The following PHACTR2 variants were observed in gnomAD, a reference collection of about 807,000 sequenced individuals.
PHACTR2 encodes phosphatase and actin regulator 2.
PHACTR2 carries 30 observed loss-of-function variants against 76.0 expected under a neutral mutation model. That is an observed-to-expected ratio of 0.39 (90% CI 0.30 to 0.54). PHACTR2 has a LOEUF of 0.54. Ranked by LOEUF, PHACTR2 falls within the 20% of genes least tolerant of loss-of-function variation. The pLI, the probability that PHACTR2 is intolerant of heterozygous loss-of-function variation, is 0.61. For synonymous variants in PHACTR2, 292 were observed against 292.5 expected (o/e 1.00, Z 0.02); for missense variants, 696 against 781.1 (o/e 0.89, Z 1.30).
In PHACTR2 at chr6:143,700,491, G is replaced by A. The variant is rs911884752; in HGVS notation, c.47-11525G>A. Among the ~76,000 whole-genome samples the A allele has an allele frequency of 6.6e-6, 1 of 152,152 alleles. No individual in the cohort carries two copies. Among genetic ancestry groups the A allele is most frequent in the Non-Finnish European group, 1.5e-5 (1 of 68,028 alleles). On this transcript the variant is annotated intron_variant, in intron 1 of 12. Coordinates refer to ENST00000440869, the MANE Select transcript of PHACTR2 (RefSeq NM_001100164.2). This position sits in a 1 kb window ranked among gnomAD's most constrained non-coding sequence, Gnocchi z 4.1. ...AATCACTTGGACCCAGGAGCCGGAG[G>A]TTGCAGTGAGCTGAGATCTCACCAC...
At chr6:143,792,325 A>G (rs73778690) in intron 11 of PHACTR2, among the ~76,000 whole-genome samples, 1,592 of 152,194 alleles carry the variant, frequency 0.01, 25 homozygotes, top group African/African-American at 0.036. Flanking sequence ...GTTTTTCAAT[A>G]GAAGAGTTAG....
At chr6:143,711,608 C>T (rs564856460) in intron 1 of PHACTR2, among the ~76,000 whole-genome samples, 55 of 152,318 alleles carry the variant, frequency 3.6e-4, no homozygotes, top group African/African-American at 1.3e-3. Context: ...TTTAACTACA[C>T]CATAACTGTA....
At chr6:143,726,942 A>G (rs563837045) in intron 2 of PHACTR2, among the ~76,000 whole-genome samples, 2 of 152,320 alleles carry the variant, frequency 1.3e-5, no homozygotes, top group Admixed American at 6.5e-5. Flanking sequence ...CATTTCTACC[A>G]TTGGGGACAT....
chr6:143,585,484 G>A lies in PHACTR2; in HGVS notation c.217+48277G>A, dbSNP rs973314448. ...GTTTGCAGTTAACCTAGGGCTTCAGGAGTAAGGAACTGGATTCAGAAACAA... is the reference window on the plus strand; with the variant it reads ...GTTTGCAGTTAACCTAGGGCTTCAGAAGTAAGGAACTGGATTCAGAAACAA... On this transcript the variant is annotated intron_variant, in intron 1 of 11. Coordinates refer to the PHACTR2 transcript ENST00000367584. This position sits in a 1 kb window ranked among gnomAD's most constrained non-coding sequence, Gnocchi z 5.2. Among the ~76,000 whole-genome samples, 4 of 152,210 alleles carry A rather than the reference G, an allele frequency of 2.6e-5. No homozygotes were observed. Among genetic ancestry groups the A allele is most frequent in the Non-Finnish European group, 5.9e-5 (4 of 68,040 alleles).
intron 1 of PHACTR2, among the ~76,000 whole-genome samples, chr6:143,565,290 G>A (rs1775346419): frequency 6.6e-6 from 1 of 152,162 alleles, no homozygotes; most frequent in African/African-American, 2.4e-5. Flanking sequence ...GAAAAAGTAA[G>A]TAGAAAAAAG....
upstream of PHACTR2, among the ~76,000 whole-genome samples, chr6:143,676,564 C>T (rs933686726): frequency 5.3e-5 from 8 of 151,982 alleles, no homozygotes; most frequent in East Asian, 3.9e-4. The surrounding 1 kb of genome is among the most constrained non-coding windows in gnomAD (Gnocchi z 4.8). Context: ...TTTTTTCTTA[C>T]GGCAACTCAA....
rs1225902716 is a variant in PHACTR2, at chr6:143,816,674, G to A, written c.1923-7000G>A. Among the ~76,000 whole-genome samples, 1 of 151,576 alleles carries A rather than the reference G, an allele frequency of 6.6e-6. No individual in the cohort carries two copies. The highest frequency in any genetic ancestry group is 6.6e-5 in the Admixed American group (1 of 15,234). ...TGTGTACTGCGATCCATGGGCAAAT[G>A]GTGTGTGCAGGAAAAAAAAAAAAAT... is the stretch of plus-strand genomic sequence containing the variant. On this transcript the variant is annotated intron_variant, in intron 12 of 12. Transcript: ENST00000440869. The surrounding 1 kb of genome is among the most constrained non-coding windows in gnomAD (Gnocchi z 4.5).
intron 2 of PHACTR2, among the ~76,000 whole-genome samples, chr6:143,746,593 G>A (rs1396877451): frequency 6.6e-6 from 1 of 152,126 alleles, no homozygotes; most frequent in Non-Finnish European, 1.5e-5. Context: ...GAGGTCTACA[G>A]AGTCCCGCCA....
At chr6:143,632,690 A>G (rs1434803454) in intron 1 of PHACTR2, among the ~76,000 whole-genome samples, 2 of 152,222 alleles carry the variant, frequency 1.3e-5, no homozygotes, top group East Asian at 1.9e-4. Flanking sequence ...TCACTGATAC[A>G]GTGTTATATA....
intron 7 of PHACTR2, among the ~76,000 whole-genome samples, chr6:143,773,449 T>C (rs1286458417): frequency 6.6e-6 from 1 of 151,932 alleles, no homozygotes; most frequent in African/African-American, 2.4e-5. Flanking sequence ...CACTGTGGAC[T>C]GAATTTGTAG....
Position 143,610,686 on chromosome 6 carries a change from C to T in PHACTR2, c.13+2364C>T, listed in dbSNP as rs1775961671. The stretch of plus-strand genomic sequence containing the variant: ...CCGGCCCTTTTGGTGGGTGTGTGTA[C>T]ATTTCAGCTATCATGGCATTGTGAA... On this transcript the variant is annotated intron_variant, in intron 1 of 11. Coordinates refer to the PHACTR2 transcript ENST00000305766. The surrounding 1 kb of genome is among the most constrained non-coding windows in gnomAD (Gnocchi z 4.9). 3.9e-5 allele frequency among the ~76,000 whole-genome samples: 6 copies of T among 152,182 alleles called. No individual in the cohort carries two copies. The highest frequency in any genetic ancestry group is 3.9e-4 in the Admixed American group (6 of 15,274).
rs1428309329 is a variant in PHACTR2 at position 143,783,004 on chromosome 6, C to CGTGT, written c.1646-215_1646-214insGTGT. ...AAGCAAACCAGTCCTACAAAAAAAG[C>CGTGT]ATGTGTGTGTGTGTGTGTGTGTGTG... On this transcript the variant is annotated intron_variant, in intron 9 of 12. Coordinates refer to ENST00000440869, the MANE Select transcript of PHACTR2 (RefSeq NM_001100164.2). This position sits in a 1 kb window ranked among gnomAD's most constrained non-coding sequence, Gnocchi z 5.2. 2.9e-3 allele frequency among the ~76,000 whole-genome samples: 121 copies of CGTGT among 41,812 alleles called. No individual in the cohort carries two copies. The highest frequency in any genetic ancestry group is 8.6e-3 in the African/African-American group (100 of 11,674). The allele number at this position is 41,812 out of a possible 152,430, so 27.4% of individuals were successfully genotyped here.
At chr6:143,634,171 T>G (rs1390022575) in intron 1 of PHACTR2, among the ~76,000 whole-genome samples, 1 of 152,206 alleles carries the variant, frequency 6.6e-6, no homozygotes, top group Non-Finnish European at 1.5e-5. Flanking sequence ...ACAAGATTTC[T>G]TTTTCCTTTT....
rs940233966 is a variant in PHACTR2, at chr6:143,753,036, T to C, written c.296-718T>C. 6.6e-6 allele frequency among the ~76,000 whole-genome samples: 1 copy of C among 152,016 alleles called. No individual in the cohort carries two copies. Among genetic ancestry groups the C allele is most frequent in the African/African-American group, 2.4e-5 (1 of 41,436 alleles). The stretch of plus-strand genomic sequence containing the variant: ...ATCCATTATGGTTTTTTAAAATTCC[T>C]TTGTGATTACTTTTTTATGTGTGTT... On this transcript the variant is annotated intron_variant, in intron 3 of 12. Coordinates refer to ENST00000440869, the MANE Select transcript of PHACTR2 (RefSeq NM_001100164.2). This position sits in a 1 kb window ranked among gnomAD's most constrained non-coding sequence, Gnocchi z 4.6.
rs780477579 is a variant in PHACTR2, at chr6:143,678,127, C to CCGCTTGAT, written c.-32_-25dup. On this transcript the variant is annotated 5_prime_UTR_variant, in exon 1 of 13. Coordinates refer to ENST00000440869, the MANE Select transcript of PHACTR2 (RefSeq NM_001100164.2). This position sits in a 1 kb window ranked among gnomAD's most constrained non-coding sequence, Gnocchi z 6.2. ...ACCCATGATCGAAGGACCAAAGGAG[C>CCGCTTGAT]CGCTTGATCGCTGGACCTGGCCCTG... is the stretch of plus-strand genomic sequence containing the variant. 1.9e-6 allele frequency: 3 copies of CCGCTTGAT among 1,545,930 alleles called. No homozygotes were observed. The highest frequency in any genetic ancestry group is 2.4e-5 in the South Asian group (2 of 83,958).
In PHACTR2 at chr6:143,546,021, G is replaced by A. The variant is rs1562679793; in HGVS notation, c.217+8814G>A. Among the ~76,000 whole-genome samples the A allele has an allele frequency of 6.6e-6, 1 of 152,166 alleles. No individual in the cohort carries two copies. The highest frequency in any genetic ancestry group is 1.9e-4 in the East Asian group (1 of 5,196). On this transcript the variant is annotated intron_variant, in intron 1 of 11. Coordinates refer to the PHACTR2 transcript ENST00000367584. This position sits in a 1 kb window ranked among gnomAD's most constrained non-coding sequence, Gnocchi z 4.9. ...AAACAACTCAGTTTTAGAATCATGTGTTTAATTCATGCCCAAGAACCATAT... is the reference window on the plus strand; with the variant it reads ...AAACAACTCAGTTTTAGAATCATGTATTTAATTCATGCCCAAGAACCATAT...
chr6:143,540,679 A>G (rs1006399042), intron 1 of PHACTR2, among the ~76,000 whole-genome samples: 3 of 151,302 alleles, frequency 2.0e-5, no homozygotes, highest in South Asian at 2.1e-4. Context: ...GGAATTTTTC[A>G]CATAAGAATG....
chr6:143,808,495 G>A (rs7752960), intron 12 of PHACTR2, among the ~76,000 whole-genome samples: 32,744 of 151,926 alleles, frequency 0.22, 4,074 homozygotes, highest in Admixed American at 0.31. Flanking sequence ...AGCATAAAAC[G>A]ATACTGTATA....
At chr6:143,704,627 A>G (rs1778003295) in intron 1 of PHACTR2, among the ~76,000 whole-genome samples, 1 of 152,220 alleles carries the variant, frequency 6.6e-6, no homozygotes, top group East Asian at 1.9e-4. Context: ...TGTTACAACC[A>G]AGGAACAAAC....
Sources: gnomAD v4.1 joint callset for allele counts (sites outside exome capture counted in the v4.1 genomes callset) on GRCh38, gnomAD v4.1.1 for gene constraint, Gnocchi (gnomAD v3.1) non-coding constraint, MANE v1.5 for transcripts, NCBI Gene and HGNC (gene_info 2026-07-23, HGNC 2026-07-21) for gene names.